The following TENM4 variants were observed in gnomAD, a reference collection of about 807,000 sequenced individuals.
TENM4 encodes teneurin-4.
In TENM4, 82 loss-of-function variants were observed where a neutral mutation model predicts 243.3. The observed-to-expected ratio is 0.34, with a 90% CI of 0.28 to 0.40. The LOEUF (loss-of-function observed/expected upper bound fraction) is 0.40, where lower values mean the gene tolerates loss of function less well. TENM4 is among the 10% of genes least tolerant of loss of function. TENM4 has a pLI of 1.00. For missense variants in TENM4, 3,138 were observed against 3,673.3 expected, an observed-to-expected ratio of 0.85 and a Z score of 3.77; for synonymous variants, 1,412 against 1,456.3, an observed-to-expected ratio of 0.97 and a Z score of 0.69.
chr11:79,280,062 G>A (rs1035760775), intron 2 of TENM4, among the ~76,000 whole-genome samples: 9 of 152,164 alleles, frequency 5.9e-5, no homozygotes, highest in Admixed American at 5.2e-4. Flanking sequence ...TGAAAGCAGA[G>A]ACCAAGCCCT....
chr11:79,284,081 C>G (rs1341281052), intron 2 of TENM4, among the ~76,000 whole-genome samples: 1 of 152,100 alleles, frequency 6.6e-6, no homozygotes, highest in Non-Finnish European at 1.5e-5. Context: ...GAAGATATCT[C>G]ATGTTTGTGG....
intron 13 of TENM4, among the ~76,000 whole-genome samples, chr11:78,813,438 C>T (rs1402695723): frequency 1.3e-5 from 2 of 152,230 alleles, no homozygotes; most frequent in African/African-American, 4.8e-5. Flanking sequence ...TATCGTACTG[C>T]TTTGCAGTTG....
At chr11:79,086,552 G>A (rs1228683378) in intron 4 of TENM4, among the ~76,000 whole-genome samples, 3 of 152,196 alleles carry the variant, frequency 2.0e-5, no homozygotes, top group African/African-American at 7.2e-5. Context: ...AGAGGAACTG[G>A]GTCAGGTCTG....
intron 20 of TENM4, among the ~76,000 whole-genome samples, chr11:78,733,305 A>C (rs1232302644): frequency 3.9e-5 from 6 of 152,220 alleles, no homozygotes; most frequent in Non-Finnish European, 8.8e-5. Context: ...GCCTCTGTTC[A>C]TCAGCCTCTG....
intron 2 of TENM4, among the ~76,000 whole-genome samples, chr11:79,242,311 T>C (rs1327286840): frequency 2.0e-5 from 3 of 152,188 alleles, no homozygotes; most frequent in African/African-American, 2.4e-5. Context: ...GATGTTTTTT[T>C]CCTTCATTGC....
At position 79,292,101 on chromosome 11, in the gene TENM4, G is replaced by A. The variant is rs114189056; in HGVS notation, c.-265+5387C>T. Among the ~76,000 whole-genome samples, 428 of 152,270 alleles carry A rather than the reference G, an allele frequency of 2.8e-3. 2 individuals are homozygous for A. Among genetic ancestry groups the A allele is most frequent in the African/African-American group, 9.7e-3 (405 of 41,540 alleles). On this transcript the variant is annotated intron_variant, in intron 2 of 33. Transcript: ENST00000278550. ...TGCTACCTTCTGGATGAAGTCACAAGGGGTCAATTATCTTGCAGCAATGAA... is the reference window on the plus strand; with the variant it reads ...TGCTACCTTCTGGATGAAGTCACAAAGGGTCAATTATCTTGCAGCAATGAA...
At chr11:78,881,172 T>G (rs1039702161) in intron 9 of TENM4, among the ~76,000 whole-genome samples, 1 of 152,090 alleles carries the variant, frequency 6.6e-6, no homozygotes, top group Non-Finnish European at 1.5e-5. Flanking sequence ...CCTAGTTAGG[T>G]CCCTAAGAGC....
At chr11:79,255,052 G>A (rs866086111) in intron 2 of TENM4, among the ~76,000 whole-genome samples, 1 of 152,222 alleles carries the variant, frequency 6.6e-6, no homozygotes, top group South Asian at 2.1e-4. Context: ...CACTGGGCTT[G>A]TGGGGGCATG....
In TENM4 at chr11:78,655,503, C is replaced by A; in HGVS notation, c.*2555G>T. The A allele has an allele frequency of 6.6e-6, 1 of 151,888 alleles. No individual in the cohort carries two copies. The highest frequency in any genetic ancestry group is 1.5e-5 in the Non-Finnish European group (1 of 68,018). The allele number at this position is 151,888 out of a possible 1,614,324, so 9.4% of individuals were successfully genotyped here. On this transcript the variant is annotated 3_prime_UTR_variant, in exon 34 of 34. Transcript: ENST00000278550. ...AACAGCCTGGGCAACATAGTGAGAC[C>A]CCATCTCTATGAAAAAAAAAAGAAA...
At chr11:79,088,264 G>T (rs1860862084) in intron 4 of TENM4, among the ~76,000 whole-genome samples, 1 of 152,144 alleles carries the variant, frequency 6.6e-6, no homozygotes, top group Admixed American at 6.5e-5. Context: ...GCCTCTGCTG[G>T]CCGGCAATGG....
intron 3 of TENM4, among the ~76,000 whole-genome samples, chr11:79,157,077 T>C (rs1046357355): frequency 5.3e-5 from 8 of 152,172 alleles, no homozygotes; most frequent in Admixed American, 5.2e-4. Flanking sequence ...TGGAGATCAC[T>C]TATTTCAAGG....
At chr11:78,989,631 G>A (rs539410448) in intron 6 of TENM4, among the ~76,000 whole-genome samples, 5 of 152,322 alleles carry the variant, frequency 3.3e-5, no homozygotes, top group Admixed American at 6.5e-5. Context: ...AACAGCTCTA[G>A]TTCCTCTGCG....
At chr11:78,948,969 A>T (rs964933905) in intron 6 of TENM4, among the ~76,000 whole-genome samples, 3 of 152,146 alleles carry the variant, frequency 2.0e-5, no homozygotes, top group African/African-American at 7.2e-5. Context: ...TCATATTAGG[A>T]TGGCTCACTA....
At chr11:78,899,571 G>GGGGGAAAA (rs1565430077) in intron 7 of TENM4, among the ~76,000 whole-genome samples, 1 of 79,378 alleles carries the variant, frequency 1.3e-5, no homozygotes, top group Non-Finnish European at 2.7e-5. Flanking sequence ...GGGGGGGGGG[G>GGGGGAAAA]AAAAAGAAAA....
intron 4 of TENM4, among the ~76,000 whole-genome samples, chr11:79,145,438 AAC>A (rs1862379453): frequency 6.6e-6 from 1 of 152,078 alleles, no homozygotes; most frequent in South Asian, 2.1e-4. Context: ...GACTTCTGAA[AAC>A]ACAGAGTAGT....
intron 6 of TENM4, among the ~76,000 whole-genome samples, chr11:78,988,985 CTTTATATT>C (rs1173444650): frequency 6.6e-6 from 1 of 152,216 alleles, no homozygotes; most frequent in African/African-American, 2.4e-5. Flanking sequence ...CCACGATTCC[CTTTATATT>C]TTTATTTTTG....
At chr11:79,059,727 C>T (rs1208167422) in intron 6 of TENM4, among the ~76,000 whole-genome samples, 1 of 152,160 alleles carries the variant, frequency 6.6e-6, no homozygotes, top group Non-Finnish European at 1.5e-5. Context: ...AAAATCTGTA[C>T]CCATTAAACA....
chr11:79,195,661 T>G (rs1245913904), intron 3 of TENM4, among the ~76,000 whole-genome samples: 1 of 151,976 alleles, frequency 6.6e-6, no homozygotes, highest in African/African-American at 2.4e-5. Flanking sequence ...ATCTGTACTC[T>G]CATTGTATCT....
At chr11:79,073,417 C>T (rs780160482) in intron 4 of TENM4, among the ~76,000 whole-genome samples, 3 of 152,218 alleles carry the variant, frequency 2.0e-5, no homozygotes, top group African/African-American at 4.8e-5. Context: ...CCCTTGACTA[C>T]GGTTCCTTGA....
Sources: gnomAD v4.1 joint callset for allele counts (sites outside exome capture counted in the v4.1 genomes callset) on GRCh38, gnomAD v4.1.1 for gene constraint, MANE v1.5 for transcripts, NCBI Gene and HGNC (gene_info 2026-07-23, HGNC 2026-07-21) for gene names.